The following ALDH7A1 variants were observed in gnomAD, a reference collection of about 807,000 sequenced individuals.
ALDH7A1 encodes the protein aldehyde dehydrogenase 7 family member A1, also known as alpha-aminoadipic semialdehyde dehydrogenase.
In ALDH7A1, 63 loss-of-function variants were observed where a neutral mutation model predicts 79.9. The ratio of observed to expected loss-of-function variants is 0.79; its 90% CI spans 0.64 to 0.97. The LOEUF is 0.97. Ranked by LOEUF, ALDH7A1 falls within the 50% of genes least tolerant of loss-of-function variation. The probability of loss-of-function intolerance (pLI) is 0.00; values close to 1 mark genes in which losing one functional copy is unlikely to be tolerated. For synonymous variants in ALDH7A1, 240 were observed against 231.2 expected, an observed-to-expected ratio of 1.04 and a Z score of -0.34; for missense variants, 627 against 665.2, an observed-to-expected ratio of 0.94 and a Z score of 0.63.
intron 7 of ALDH7A1, among the ~76,000 whole-genome samples, chr5:126,572,857 T>G (rs1561661452): frequency 6.6e-6 from 1 of 152,206 alleles, no homozygotes; most frequent in Non-Finnish European, 1.5e-5. Context: ...CCTGACAAGC[T>G]ATGCTGCTGT....
chr5:126,577,178 G>A lies in ALDH7A1; in HGVS notation c.551C>T (p.Pro184Leu). ...SGHALIEQWN[P>L]VGLVGIITAF... ...CGTGATGATTCCAACCAGGCCTACG[G>A]GATTCCACTGCTCAATCAGTGCATG... The change falls in exon 6 of 18, where the codon CCC becomes CTC. Residue 184 changes from proline (P) to leucine (L), a missense_variant. Coordinates refer to ENST00000409134, the MANE Select transcript of ALDH7A1 (RefSeq NM_001182.5). 6.2e-7 allele frequency: 1 copy of A among 1,614,134 alleles called. No homozygotes were observed. The highest frequency in any genetic ancestry group is 1.1e-5 in the South Asian group (1 of 91,074).
chr5:126,556,086 T>C, intron 11 of ALDH7A1, 71 bp from the exon 12 acceptor site: 1 of 1,028,930 alleles, frequency 9.7e-7, no homozygotes, highest in Non-Finnish European at 1.5e-6. Flanking sequence ...AATAATTTCC[T>C]TGATAGTTAC....
intron 9 of ALDH7A1, among the ~76,000 whole-genome samples, chr5:126,567,099 T>TA (rs1750608648): frequency 6.6e-6 from 1 of 152,258 alleles, no homozygotes; most frequent in Non-Finnish European, 1.5e-5. Context: ...TAAGTGTTTT[T>TA]ACCTTTCTCA....
intron 13 of ALDH7A1, among the ~76,000 whole-genome samples, chr5:126,552,692 C>T (rs1316345043): frequency 2.0e-5 from 3 of 151,886 alleles, no homozygotes; most frequent in Admixed American, 6.6e-5. Flanking sequence ...TCAACATGCC[C>T]GGCCACAAAC....
intron 9 of ALDH7A1, among the ~76,000 whole-genome samples, chr5:126,567,621 A>C (rs904017809): frequency 1.4e-5 from 2 of 144,070 alleles, no homozygotes; most frequent in Non-Finnish European, 1.5e-5. Flanking sequence ...TTACAGGCAC[A>C]TGCCACCACG....
chr5:126,571,990 T>C (rs1348238219), intron 7 of ALDH7A1, among the ~76,000 whole-genome samples: 2 of 152,176 alleles, frequency 1.3e-5, no homozygotes, highest in Admixed American at 1.3e-4. Flanking sequence ...TTTTCTCTTG[T>C]TAGAATGAGA....
chr5:126,589,323 A>G (rs1409583044), intron 3 of ALDH7A1, among the ~76,000 whole-genome samples: 1 of 151,660 alleles, frequency 6.6e-6, no homozygotes, highest in Non-Finnish European at 1.5e-5. Flanking sequence ...ATGCCTGGCT[A>G]ATTTTGTATT....
At chr5:126,572,093 T>A (rs1287830236) in intron 7 of ALDH7A1, among the ~76,000 whole-genome samples, 1 of 152,238 alleles carries the variant, frequency 6.6e-6, no homozygotes, top group African/African-American at 2.4e-5. Flanking sequence ...CCATTCATTT[T>A]GAGTTTCCAG....
rs34601459 is a variant in ALDH7A1 at position 126,574,023 on chromosome 5, CAAAAAAAAAA to C, written c.695+1387_695+1396del. ...CCAGCCTGGGCAACAAAGACTGTCT[CAAAAAAAAAA>C]AAAAAAAAAAAAAGAAAACATATTA... On this transcript the variant is annotated intron_variant, in intron 7 of 17. Transcript: ENST00000409134. Among the ~76,000 whole-genome samples, 5 of 57,234 alleles carry C rather than the reference CAAAAAAAAAA, an allele frequency of 8.7e-5. No homozygotes were observed. In the South Asian group the frequency reaches 3.6e-3, roughly 42 times the overall value. The allele number at this position is 57,234 out of a possible 152,430, so 37.5% of individuals were successfully genotyped here.
Position 126,566,450 on chromosome 5 carries a change from C to T in ALDH7A1, c.871+1809G>A, listed in dbSNP as rs1018389584. Among the ~76,000 whole-genome samples the T allele has an allele frequency of 2.0e-5, 3 of 152,062 alleles. No individual in the cohort carries two copies. The South Asian group carries it at 6.2e-4, about 32-fold the overall frequency. The stretch of plus-strand genomic sequence containing the variant: ...TCTTGAGTCCTGCAACCTTGCTGAC[C>T]TTTTTCATTAGCTGTTTTTTAATAA... On this transcript the variant is annotated intron_variant, in intron 9 of 17. Transcript: ENST00000409134.
chr5:126,560,653 T>C (rs1285768217), intron 10 of ALDH7A1, among the ~76,000 whole-genome samples: 1 of 152,180 alleles, frequency 6.6e-6, no homozygotes, highest in Non-Finnish European at 1.5e-5. Flanking sequence ...CTTAAGGACA[T>C]GTTCCTTCCC....
At chr5:126,572,181 ACT>A (rs1750800508) in intron 7 of ALDH7A1, among the ~76,000 whole-genome samples, 1 of 152,082 alleles carries the variant, frequency 6.6e-6, no homozygotes, top group Admixed American at 6.6e-5. Flanking sequence ...AATTTCAAAA[ACT>A]CTCAAATCCC....
At chr5:126,587,715 C>G (rs1249782649) in intron 3 of ALDH7A1, 1 of 151,838 alleles carries the variant, frequency 6.6e-6, no homozygotes, top group Non-Finnish European at 1.5e-5. Flanking sequence ...CAGTCAAGGT[C>G]AGCCAAATGG....
rs1749605923 is a variant in ALDH7A1, at chr5:126,541,859, T to A, written c.*3106A>T. The A allele has an allele frequency of 6.6e-6, 1 of 152,200 alleles. No homozygotes were observed. Among genetic ancestry groups the A allele is most frequent in the African/African-American group, 2.4e-5 (1 of 41,444 alleles). The allele number at this position is 152,200 out of a possible 1,614,324, so 9.4% of individuals were successfully genotyped here. On this transcript the variant is annotated 3_prime_UTR_variant, in exon 18 of 18. Transcript: ENST00000409134. Reference sequence around the variant, plus strand: ...TGTCTAATTGGAGTTGAGGAATTATTTTTATTTTTAAAAGGGAAATTAACG... The same window carrying A: ...TGTCTAATTGGAGTTGAGGAATTATATTTATTTTTAAAAGGGAAATTAACG...
At chr5:126,579,878 TGAGTCCAGGAG>T (rs1751113075) in intron 5 of ALDH7A1, among the ~76,000 whole-genome samples, 1 of 152,128 alleles carries the variant, frequency 6.6e-6, no homozygotes, top group South Asian at 2.1e-4. Flanking sequence ...AAAGATTGCT[TGAGTCCAGGAG>T]GTCCAAGCTG....
At chr5:126,548,180 C>T (rs1298161481) in intron 16 of ALDH7A1, among the ~76,000 whole-genome samples, 1 of 152,162 alleles carries the variant, frequency 6.6e-6, no homozygotes, top group Non-Finnish European at 1.5e-5. Context: ...GGGTCACACT[C>T]ACTCTGTCAC....
At chr5:126,561,184 G>A in intron 9 of ALDH7A1, 60 bp from the exon 10 acceptor site, 1 of 1,326,756 alleles carries the variant, frequency 7.5e-7, no homozygotes, top group Admixed American at 1.9e-5. Flanking sequence ...ACTGCACACT[G>A]CTACACAGCC....
intron 4 of ALDH7A1, among the ~76,000 whole-genome samples, chr5:126,583,413 G>T (rs1204052601): frequency 6.6e-6 from 1 of 151,512 alleles, no homozygotes; most frequent in Non-Finnish European, 1.5e-5. Flanking sequence ...CCCAGGAGGG[G>T]GAGGTTGCAG....
intron 16 of ALDH7A1, among the ~76,000 whole-genome samples, chr5:126,547,131 TCTAAGGAACCAAGG>T (rs1259980954): frequency 3.9e-5 from 6 of 152,120 alleles, no homozygotes; most frequent in African/African-American, 1.4e-4. Flanking sequence ...TCGCAGAGGC[TCTAAGGAACCAAGG>T]CTGAGCACCT....
Sources: gnomAD v4.1 joint callset for allele counts (sites outside exome capture counted in the v4.1 genomes callset) on GRCh38, gnomAD v4.1.1 for gene constraint, MANE v1.5 for transcripts, NCBI Gene and HGNC (gene_info 2026-07-23, HGNC 2026-07-21) for gene names.